Variants in IMMP2L observed in about 807,000 individuals in gnomAD.
The protein encoded by IMMP2L is mitochondrial inner membrane protease subunit 2.
Under a neutral mutation model 19.3 loss-of-function variants are expected in IMMP2L, and 18 were observed. The ratio of observed to expected loss-of-function variants is 0.93; its 90% confidence interval spans 0.64 to 1.38. The LOEUF is 1.38. Among genes scored for constraint, IMMP2L ranks in the 40% most tolerant of loss-of-function variants. The pLI, the probability that IMMP2L is intolerant of heterozygous loss-of-function variation, is 0.00. For missense variants in IMMP2L, 233 were observed against 218.2 expected (o/e 1.07, Z -0.43); for synonymous variants, 76 against 73.0 (o/e 1.04, Z -0.21).
At chr7:110,731,245 CT>C (rs1562942938) in intron 5 of IMMP2L, among the ~76,000 whole-genome samples, 1 of 151,990 alleles carries the variant, frequency 6.6e-6, no homozygotes, top group Non-Finnish European at 1.5e-5. Flanking sequence ...AATGTTAACA[CT>C]TATTATGTTT....
intron 3 of IMMP2L, among the ~76,000 whole-genome samples, chr7:111,218,789 G>A (rs1375382856): frequency 6.6e-6 from 1 of 152,152 alleles, no homozygotes. Context: ...AATGACATCA[G>A]TGGAAATTAC....
At chr7:110,832,896 G>A (rs139291504) in intron 5 of IMMP2L, among the ~76,000 whole-genome samples, 59 of 152,252 alleles carry the variant, frequency 3.9e-4, no homozygotes, top group Non-Finnish European at 6.2e-4. Flanking sequence ...AGGTAACCAG[G>A]CCAGTAGGAG....
At chr7:111,364,757 G>A (rs1012324947) in intron 3 of IMMP2L, among the ~76,000 whole-genome samples, 5 of 151,896 alleles carry the variant, frequency 3.3e-5, no homozygotes, top group Admixed American at 1.3e-4. Context: ...AATCACTTGA[G>A]GTCAGGAGAT....
intron 3 of IMMP2L, among the ~76,000 whole-genome samples, chr7:111,039,784 A>G (rs1791712429): frequency 6.6e-6 from 1 of 152,148 alleles, no homozygotes; most frequent in Non-Finnish European, 1.5e-5. Context: ...TACCTAAGAA[A>G]TATCTTCTCA....
chr7:111,390,107 T>C (rs562906195), intron 3 of IMMP2L, among the ~76,000 whole-genome samples: 47 of 152,218 alleles, frequency 3.1e-4, no homozygotes, highest in African/African-American at 1.1e-3. Flanking sequence ...TCATGGCCCA[T>C]ATATGGGCAG....
chr7:111,013,516 T>A (rs1825193783), intron 3 of IMMP2L, among the ~76,000 whole-genome samples: 1 of 151,936 alleles, frequency 6.6e-6, no homozygotes, highest in African/African-American at 2.4e-5. Context: ...GTGTGCAAGT[T>A]TCTGTTTTAG....
chr7:111,116,121 T>A (rs948796915), intron 3 of IMMP2L, among the ~76,000 whole-genome samples: 2 of 152,236 alleles, frequency 1.3e-5, no homozygotes, highest in East Asian at 3.8e-4. Flanking sequence ...TTGTGCTATT[T>A]AAGTTACTAC....
At chr7:111,142,340 A>AAAAG (rs1199789345) in intron 3 of IMMP2L, among the ~76,000 whole-genome samples, 162 of 16,376 alleles carry the variant, frequency 9.9e-3, no homozygotes, top group East Asian at 0.044. Context: ...AAAAAAAAAA[A>AAAAG]AAAGAAAGAA....
At chr7:110,981,123 C>A (rs1392782605) in intron 3 of IMMP2L, among the ~76,000 whole-genome samples, 1 of 152,152 alleles carries the variant, frequency 6.6e-6, no homozygotes, top group Non-Finnish European at 1.5e-5. Flanking sequence ...GAAAATTATA[C>A]AAGCCTTATT....
chr7:111,288,683 G>A (rs934866922), intron 3 of IMMP2L, among the ~76,000 whole-genome samples: 6 of 152,126 alleles, frequency 3.9e-5, no homozygotes, highest in African/African-American at 1.2e-4. Context: ...ATCATCACTG[G>A]TCGTTAGAGA....
At chr7:111,463,190 T>G (rs963159566) in intron 3 of IMMP2L, among the ~76,000 whole-genome samples, 1 of 152,096 alleles carries the variant, frequency 6.6e-6, no homozygotes, top group Non-Finnish European at 1.5e-5. Context: ...TGTGTGTGTG[T>G]GTGTGTGTCC....
chr7:111,402,487 G>A (rs567112299), intron 3 of IMMP2L, among the ~76,000 whole-genome samples: 1 of 152,158 alleles, frequency 6.6e-6, no homozygotes, highest in South Asian at 2.1e-4. Context: ...GAGGCAGGCA[G>A]ATCACCTGAA....
intron 5 of IMMP2L, among the ~76,000 whole-genome samples, chr7:110,703,128 C>G (rs1794400315): frequency 1.3e-5 from 2 of 152,032 alleles, no homozygotes; most frequent in Non-Finnish European, 2.9e-5. Flanking sequence ...GCCCAGTTTT[C>G]TCAGAATTTT....
chr7:111,454,693 T>G (rs1194471575), intron 3 of IMMP2L, among the ~76,000 whole-genome samples: 1 of 152,126 alleles, frequency 6.6e-6, no homozygotes, highest in African/African-American at 2.4e-5. Context: ...AAGTATATAA[T>G]CAATAAGTGT....
chr7:110,999,609 A>AT (rs1223487229), intron 3 of IMMP2L, among the ~76,000 whole-genome samples: 1 of 129,132 alleles, frequency 7.7e-6, no homozygotes, highest in African/African-American at 2.7e-5. Flanking sequence ...TCGATGAATA[A>AT]AAAAAAAAAA....
chr7:111,168,779 A>G (rs559823026), intron 3 of IMMP2L, among the ~76,000 whole-genome samples: 1 of 151,870 alleles, frequency 6.6e-6, no homozygotes, highest in Non-Finnish European at 1.5e-5. Flanking sequence ...TGGCCTTTAA[A>G]ACTGACACTA....
chr7:111,481,211 C>G (rs1221595723), intron 3 of IMMP2L, among the ~76,000 whole-genome samples: 2 of 152,074 alleles, frequency 1.3e-5, no homozygotes, highest in Admixed American at 1.3e-4. Flanking sequence ...TCAGGAACCA[C>G]TGTATCAGAA....
intron 3 of IMMP2L, among the ~76,000 whole-genome samples, chr7:111,396,379 C>A (rs1266719270): frequency 1.3e-5 from 2 of 152,024 alleles, no homozygotes; most frequent in African/African-American, 4.8e-5. Context: ...AAGCTGGAAG[C>A]CATCATTCTC....
chr7:111,221,361 TTA>T (rs1455451566), intron 3 of IMMP2L, among the ~76,000 whole-genome samples: 1 of 152,096 alleles, frequency 6.6e-6, no homozygotes, highest in Non-Finnish European at 1.5e-5. Context: ...TATCTGTACG[TTA>T]TGACTGCCAA....
Sources: allele counts gnomAD v4.1 joint callset (sites outside exome capture counted in the v4.1 genomes callset), GRCh38; gene constraint gnomAD v4.1.1; transcripts MANE v1.5; gene names NCBI Gene and HGNC (gene_info 2026-07-23, HGNC 2026-07-21).